USP24: variants seen among roughly 807,000 people sequenced by gnomAD.
USP24 encodes the protein ubiquitin carboxyl-terminal hydrolase 24.
A neutral mutation model predicts 361.6 loss-of-function variants in USP24; 97 were observed. That is an observed-to-expected ratio of 0.27 (90% CI 0.23 to 0.32). The LOEUF is 0.32. Ranked by LOEUF, USP24 falls within the 10% of genes least tolerant of loss-of-function variation. The probability of loss-of-function intolerance (pLI) is 1.00; values close to 1 mark genes in which losing one functional copy is unlikely to be tolerated. For missense variants in USP24, 2,353 were observed against 3,165.6 expected, an observed-to-expected ratio of 0.74 and a Z score of 6.16; for synonymous variants, 1,098 against 1,124.6, an observed-to-expected ratio of 0.98 and a Z score of 0.47.
intron 1 of USP24, among the ~76,000 whole-genome samples, chr1:55,186,215 T>C (rs1333108933): frequency 6.6e-6 from 1 of 152,142 alleles, no homozygotes; most frequent in Non-Finnish European, 1.5e-5. Context: ...TACCCTGATA[T>C]TAAAAATGGA....
In USP24 at chr1:55,068,966, G is replaced by A. The variant is rs778114116; in HGVS notation, c.*79C>T. The stretch of plus-strand genomic sequence containing the variant: ...AGTCCAATCTCCAGGCTCTTCCAAA[G>A]GGTTCGAGATTCTGATTCCAAGAAG... On this transcript the variant is annotated 3_prime_UTR_variant, in exon 68 of 68. Coordinates refer to ENST00000294383, the MANE Select transcript of USP24 (RefSeq NM_015306.3). The A allele has an allele frequency of 1.7e-4, 257 of 1,487,110 alleles. No homozygotes were observed. The highest frequency in any genetic ancestry group is 2.1e-4 in the Non-Finnish European group (224 of 1,067,082). 92.1% of individuals were successfully genotyped at this position (1,487,110 alleles called of 1,614,324 possible).
intron 31 of USP24, among the ~76,000 whole-genome samples, chr1:55,130,262 G>A (rs1300657356): frequency 6.6e-6 from 1 of 152,198 alleles, no homozygotes; most frequent in African/African-American, 2.4e-5. Flanking sequence ...GTTTTACCTA[G>A]CTGAGAGACC....
intron 31 of USP24, among the ~76,000 whole-genome samples, chr1:55,131,744 T>G (rs1369412926): frequency 2.0e-5 from 3 of 152,208 alleles, no homozygotes; most frequent in Non-Finnish European, 4.4e-5. Flanking sequence ...CCTCTTAAAA[T>G]TTTTGACTTT....
chr1:55,089,551 G>T, intron 55 of USP24, 76 bp downstream of exon 55: 1 of 931,770 alleles, frequency 1.1e-6, no homozygotes, highest in Non-Finnish European at 1.6e-6. Context: ...GAAATAAAAA[G>T]GGTTATAAGA....
At chr1:55,100,483 C>T (rs898917290) in intron 44 of USP24, among the ~76,000 whole-genome samples, 13 of 144,250 alleles carry the variant, frequency 9.0e-5, no homozygotes, top group Non-Finnish European at 9.0e-5. Flanking sequence ...GCAACAAGAG[C>T]GAAACTCCGT....
chr1:55,142,855 G>T (rs1336733409), intron 22 of USP24, 60 bp from the exon 23 acceptor site: 33 of 1,429,880 alleles, frequency 2.3e-5, no homozygotes, highest in Middle Eastern at 3.5e-4. Context: ...TCATTATTCA[G>T]GACAAAATAT....
rs1646342614 is a variant in USP24, at chr1:55,123,552, C to T, written c.4171G>A (p.Gly1391Arg). Residue 1391 changes from glycine (G) to arginine (R), a missense_variant, in exon 36 of 68, where the codon GGA becomes AGA. Around this residue, in one of 8 missense-constraint regions of USP24, gnomAD observed 949 missense variants for 1,280.5 expected, o/e 0.74. Transcript: ENST00000294383. ...SEGEPVALHA[G>R]ICVRQQSVST... Reference sequence around the variant, plus strand: ...ACAGACTGTTGTCGAACACAGATTCCCGCATGCAGGGCTACTGGTTCTCCT... The same window carrying T: ...ACAGACTGTTGTCGAACACAGATTCTCGCATGCAGGGCTACTGGTTCTCCT... 6.2e-7 allele frequency: 1 copy of T among 1,601,302 alleles called. No individual in the cohort carries two copies. Among genetic ancestry groups the T allele is most frequent in the Non-Finnish European group, 8.5e-7 (1 of 1,173,786 alleles).
chr1:55,081,242 A>T lies in USP24; in HGVS notation c.7078+80T>A, dbSNP rs1378253134. ...AGTAGTCGAATGAGAAACAAGAGACATTCATTTACTTGCTAATATAATTAC... is the reference window on the plus strand; with the variant it reads ...AGTAGTCGAATGAGAAACAAGAGACTTTCATTTACTTGCTAATATAATTAC... On this transcript the variant is annotated intron_variant, in intron 59 of 67. Transcript: ENST00000294383. The T allele has an allele frequency of 4.3e-6, 6 of 1,385,508 alleles. No individual in the cohort carries two copies. The South Asian group carries it at 7.7e-5, about 18-fold the overall frequency. 85.8% of individuals were successfully genotyped at this position (1,385,508 alleles called of 1,614,324 possible).
intron 20 of USP24, among the ~76,000 whole-genome samples, chr1:55,144,715 A>T (rs1219936884): frequency 6.6e-6 from 1 of 152,152 alleles, no homozygotes; most frequent in East Asian, 1.9e-4. Flanking sequence ...CAGGAGGATC[A>T]CCTGAGGTCT....
intron 42 of USP24, among the ~76,000 whole-genome samples, chr1:55,102,052 C>T (rs776089375): frequency 1.1e-4 from 16 of 152,082 alleles, no homozygotes; most frequent in Non-Finnish European, 1.9e-4. Flanking sequence ...GAAATGTGCA[C>T]GGCCCCTGAT....
rs1180064107 is a variant in USP24 at position 55,067,669 on chromosome 1, TG to T, written c.*1375del. ...CTGCGCCTCTGTGACTTGGCAAATCTGACAGTGAAAACCTGGCACTTCCTAA... is the reference window on the plus strand; with the variant it reads ...CTGCGCCTCTGTGACTTGGCAAATCTACAGTGAAAACCTGGCACTTCCTAA... On this transcript the variant is annotated 3_prime_UTR_variant, in exon 68 of 68. Transcript: ENST00000294383. The T allele has an allele frequency of 1.3e-5, 2 of 152,240 alleles. No individual in the cohort carries two copies. The highest frequency in any genetic ancestry group is 2.4e-5 in the African/African-American group (1 of 41,442). 9.4% of individuals were successfully genotyped at this position (152,240 alleles called of 1,614,324 possible).
At chr1:55,119,365 G>A (rs557284779) in intron 38 of USP24, among the ~76,000 whole-genome samples, 4 of 152,086 alleles carry the variant, frequency 2.6e-5, no homozygotes, top group Admixed American at 6.6e-5. Flanking sequence ...ACCTAGAGTC[G>A]TCAAATCCTT....
At chr1:55,207,700 T>C (rs1427605269) in intron 1 of USP24, among the ~76,000 whole-genome samples, 1 of 152,220 alleles carries the variant, frequency 6.6e-6, no homozygotes, top group Non-Finnish European at 1.5e-5. Context: ...TTGAGCATGG[T>C]GGGGTGGTAT....
chr1:55,172,709 T>G (rs1649574986), intron 3 of USP24, among the ~76,000 whole-genome samples, 189 bp from the exon 4 acceptor site: 1 of 152,140 alleles, frequency 6.6e-6, no homozygotes, highest in Non-Finnish European at 1.5e-5. Context: ...CAATACAGAG[T>G]TTTGCTTTTG....
Position 55,146,006 on chromosome 1 carries a change from G to T in USP24, c.2354C>A (p.Thr785Asn), listed in dbSNP as rs1338124705. ...KILKLESYEITMNGFNLFKTF... is the reference protein window; with the variant it reads ...KILKLESYEINMNGFNLFKTF... ...TTTAAGTTTTTTCCTACCATTCATA[G>T]TGATTTCATATGACTCCAATTTAAG... The change falls in exon 20 of 68, where the codon ACT becomes AAT. Residue 785 changes from threonine to asparagine, a missense_variant. Around this residue, in one of 8 missense-constraint regions of USP24, gnomAD observed 949 missense variants for 1,280.5 expected, o/e 0.74. Transcript: ENST00000294383. The T allele has an allele frequency of 6.2e-7, 1 of 1,608,232 alleles. No individual in the cohort carries two copies. Among genetic ancestry groups the T allele is most frequent in the Non-Finnish European group, 8.5e-7 (1 of 1,175,774 alleles).
chr1:55,114,886 T>G (rs778274145), intron 38 of USP24, among the ~76,000 whole-genome samples: 1 of 151,956 alleles, frequency 6.6e-6, no homozygotes, highest in Non-Finnish European at 1.5e-5. Context: ...TATCCCGAAA[T>G]TGACAAATGG....
chr1:55,186,095 C>T (rs971964010), intron 1 of USP24, among the ~76,000 whole-genome samples: 3 of 152,144 alleles, frequency 2.0e-5, no homozygotes, highest in Non-Finnish European at 2.9e-5. Context: ...GACCAGATGG[C>T]ATCACCAGTG....
At position 55,092,040 on chromosome 1, in the gene USP24, C is replaced by T. The variant is rs760903963; in HGVS notation, c.6537G>A (p.Arg2179=). 2.5e-6 allele frequency: 4 copies of T among 1,610,172 alleles called. No homozygotes were observed. In the African/African-American group the frequency reaches 4.0e-5, roughly 16 times the overall value. Reference sequence around the variant, plus strand: ...CTTCTCACCTGAGTTTCTTCTTTGTCCGTAGATAAGTTTGAAAAAGGAATT... The same window carrying T: ...CTTCTCACCTGAGTTTCTTCTTTGTTCGTAGATAAGTTTGAAAAAGGAATT... The part of the protein sequence containing the change: ...AIQFLFQTYL[R]TKKKLRVDTE... Residue 2179 remains arginine (R), a synonymous_variant, in exon 54 of 68, where the codon CGG becomes CGA. Transcript: ENST00000294383.
intron 1 of USP24, among the ~76,000 whole-genome samples, chr1:55,186,597 G>A (rs1468696371): frequency 6.6e-6 from 1 of 152,172 alleles, no homozygotes; most frequent in Non-Finnish European, 1.5e-5. Context: ...AAGAAAATGT[G>A]TTTATGATAC....
Sources: allele counts gnomAD v4.1 joint callset (sites outside exome capture counted in the v4.1 genomes callset), GRCh38; gene constraint gnomAD v4.1.1; regional missense constraint gnomAD v4.1.1; transcripts MANE v1.5; gene names NCBI Gene and HGNC (gene_info 2026-07-23, HGNC 2026-07-21).